Variants in SOX5 observed in about 807,000 individuals in gnomAD.
The protein encoded by SOX5 is transcription factor SOX-5.
A neutral mutation model predicts 92.0 loss-of-function variants in SOX5; 9 were observed. That is an observed-to-expected ratio of 0.10 (90% CI 0.06 to 0.17). The LOEUF is 0.17. Ranked by LOEUF, SOX5 falls within the 10% of genes least tolerant of loss-of-function variation. The pLI is 1.00. For missense variants in SOX5, 642 were observed against 944.5 expected, an observed-to-expected ratio of 0.68 and a Z score of 4.20; for synonymous variants, 344 against 336.3, an observed-to-expected ratio of 1.02 and a Z score of -0.25.
intron 3 of SOX5, among the ~76,000 whole-genome samples, chr12:23,822,615 T>C (rs963225444): frequency 6.6e-6 from 1 of 152,192 alleles, no homozygotes; most frequent in Non-Finnish European, 1.5e-5. Context: ...GGTGGAGAGT[T>C]CTGTAGCTGT....
At chr12:24,122,469 C>T (rs1948725882) in intron 4 of SOX5, among the ~76,000 whole-genome samples, 2 of 152,156 alleles carry the variant, frequency 1.3e-5, no homozygotes, top group South Asian at 2.1e-4. Flanking sequence ...GGATTCAAGA[C>T]AAACTGCCAT....
chr12:23,873,480 A>T (rs966496971), intron 2 of SOX5, among the ~76,000 whole-genome samples: 11 of 152,176 alleles, frequency 7.2e-5, no homozygotes, highest in Non-Finnish European at 1.0e-4. Flanking sequence ...CTCAAAAGAA[A>T]AAGAAAAGAA....
chr12:24,025,810 C>G (rs182583234), intron 4 of SOX5, among the ~76,000 whole-genome samples: 37 of 152,160 alleles, frequency 2.4e-4, no homozygotes, highest in Admixed American at 2.2e-3. Context: ...TCATTTGTGA[C>G]CATCCAATGT....
intron 2 of SOX5, among the ~76,000 whole-genome samples, chr12:23,888,573 A>G (rs2097096123): frequency 6.6e-6 from 1 of 152,166 alleles, no homozygotes; most frequent in Admixed American, 6.5e-5. Flanking sequence ...ATTGAATGGA[A>G]TTTTATGGCA....
chr12:24,332,631 A>C (rs1951455559), intron 2 of SOX5, among the ~76,000 whole-genome samples: 1 of 152,202 alleles, frequency 6.6e-6, no homozygotes, highest in Admixed American at 6.5e-5. Context: ...AGGTTTGAAA[A>C]GGAAGGCAGA....
At chr12:24,153,146 G>A (rs983094247) in intron 4 of SOX5, among the ~76,000 whole-genome samples, 6 of 152,098 alleles carry the variant, frequency 3.9e-5, no homozygotes, top group South Asian at 2.1e-4. Flanking sequence ...CTCCCATTGT[G>A]CTTTCAATTT....
At chr12:24,547,481 G>A (rs546120983) in intron 1 of SOX5, among the ~76,000 whole-genome samples, 12 of 152,272 alleles carry the variant, frequency 7.9e-5, no homozygotes, top group African/African-American at 2.6e-4. Flanking sequence ...GTGAGCCACC[G>A]CGCCCGGCCT....
chr12:24,277,833 A>G (rs1257792342), intron 2 of SOX5, among the ~76,000 whole-genome samples: 1 of 152,076 alleles, frequency 6.6e-6, no homozygotes, highest in African/African-American at 2.4e-5. Flanking sequence ...ATTTAAACAT[A>G]TAACAGCAAT....
intron 3 of SOX5, among the ~76,000 whole-genome samples, chr12:23,810,985 A>G (rs529863308): frequency 6.6e-6 from 1 of 152,204 alleles, no homozygotes; most frequent in South Asian, 2.1e-4. Context: ...TTGCCAAAAG[A>G]CTTATTCAGA....
intron 2 of SOX5, among the ~76,000 whole-genome samples, chr12:23,887,772 GGT>G (rs758064774): frequency 7.8e-4 from 118 of 151,958 alleles, no homozygotes; most frequent in Non-Finnish European, 1.4e-3. Flanking sequence ...TACATTTTGT[GGT>G]CAATTTTTTT....
At position 24,221,508 on chromosome 12, in the gene SOX5, G is replaced by T. The variant is rs7962093; in HGVS notation, c.-76-8091C>A. 6.7e-3 allele frequency among the ~76,000 whole-genome samples: 1,016 copies of T among 152,248 alleles called. 9 individuals are homozygous for T. Among genetic ancestry groups the T allele is most frequent in the African/African-American group, 0.023 (970 of 41,540 alleles). Reference sequence around the variant, plus strand: ...TTAAGTGTCTCTTGACAAATCTACTGGCCTCTTTCAGCTTTTAAATCTCCA... The same window carrying T: ...TTAAGTGTCTCTTGACAAATCTACTTGCCTCTTTCAGCTTTTAAATCTCCA... On this transcript the variant is annotated intron_variant, in intron 3 of 4. Transcript: ENST00000446891.
chr12:23,749,611 C>T (rs2094120257), intron 4 of SOX5, among the ~76,000 whole-genome samples: 1 of 151,862 alleles, frequency 6.6e-6, no homozygotes, highest in Non-Finnish European at 1.5e-5. Context: ...ATTATAATTT[C>T]TATAGTGAGT....
At chr12:23,548,713 A>C (rs1379475939) in intron 11 of SOX5, among the ~76,000 whole-genome samples, 1 of 152,040 alleles carries the variant, frequency 6.6e-6, no homozygotes, top group African/African-American at 2.4e-5. Flanking sequence ...ACAATAACTT[A>C]AGTAAAAAAT....
intron 4 of SOX5, among the ~76,000 whole-genome samples, chr12:24,134,893 G>A (rs555800082): frequency 5.3e-5 from 8 of 151,962 alleles, no homozygotes; most frequent in Non-Finnish European, 1.0e-4. Flanking sequence ...TAATAATCCA[G>A]GGATTAAAAA....
At chr12:23,605,979 G>A (rs2075207822) in intron 8 of SOX5, among the ~76,000 whole-genome samples, 1 of 151,858 alleles carries the variant, frequency 6.6e-6, no homozygotes, top group South Asian at 2.1e-4. Context: ...CAGCCAACTG[G>A]AAAGAATAAA....
At chr12:23,704,687 C>CATAT (rs376550773) in intron 6 of SOX5, among the ~76,000 whole-genome samples, 1,420 of 90,062 alleles carry the variant, frequency 0.016, 46 homozygotes, top group African/African-American at 0.028. Flanking sequence ...TATATGCATG[C>CATAT]ATATATATAT....
At chr12:24,431,484 C>T (rs975013488) in intron 1 of SOX5, among the ~76,000 whole-genome samples, 2 of 152,152 alleles carry the variant, frequency 1.3e-5, no homozygotes, top group Non-Finnish European at 2.9e-5. Flanking sequence ...ATATCACTAC[C>T]ACAATCAAGA....
chr12:24,446,685 G>A (rs1404820823), intron 1 of SOX5, among the ~76,000 whole-genome samples: 1 of 152,146 alleles, frequency 6.6e-6, no homozygotes, highest in East Asian at 1.9e-4. Context: ...CCAGGTAAGA[G>A]GTCATTGCCA....
At chr12:23,984,829 T>C (rs1949911848) in intron 4 of SOX5, among the ~76,000 whole-genome samples, 1 of 152,222 alleles carries the variant, frequency 6.6e-6, no homozygotes, top group South Asian at 2.1e-4. Context: ...AAGCTAAATA[T>C]TGAGTATGCA....
Sources: allele counts gnomAD v4.1 joint callset (sites outside exome capture counted in the v4.1 genomes callset), GRCh38; gene constraint gnomAD v4.1.1; transcripts MANE v1.5; gene names NCBI Gene and HGNC (gene_info 2026-07-23, HGNC 2026-07-21).